Variants in GCNT2 observed in about 807,000 individuals in gnomAD.
The protein encoded by GCNT2 is glucosaminyl (N-acetyl) transferase 2 (I blood group), also known as N-acetyllactosaminide beta-1,6-N-acetylglucosaminyl-transferase.
In GCNT2, 34 loss-of-function variants were observed where a neutral mutation model predicts 34.2. The ratio of observed to expected loss-of-function variants is 1.00; its 90% CI spans 0.76 to 1.32. The LOEUF (loss-of-function observed/expected upper bound fraction) is 1.32. GCNT2 is among the 40% of genes most tolerant of loss of function. The pLI, the probability that GCNT2 is intolerant of heterozygous loss-of-function variation, is 0.00. For missense variants in GCNT2, 584 were observed against 489.4 expected (o/e 1.19, Z -1.82); for synonymous variants, 212 against 188.0 (o/e 1.13, Z -1.04).
intron 3 of GCNT2, among the ~76,000 whole-genome samples, chr6:10,531,782 A>G (rs1308120426): frequency 6.7e-6 from 1 of 150,318 alleles, no homozygotes; most frequent in African/African-American, 2.5e-5. Context: ...TAGGATGTAG[A>G]CTCTTCAGGT....
chr6:10,551,688 C>T (rs1762487973), intron 3 of GCNT2, among the ~76,000 whole-genome samples: 1 of 151,880 alleles, frequency 6.6e-6, no homozygotes, highest in Admixed American at 6.6e-5. Context: ...CGTGATCCAC[C>T]TGCCTTGGCC....
intron 3 of GCNT2, among the ~76,000 whole-genome samples, chr6:10,566,597 T>C (rs1763293413): frequency 6.6e-6 from 1 of 152,188 alleles, no homozygotes; most frequent in Admixed American, 6.5e-5. Flanking sequence ...CCCAACCATA[T>C]CAGTTTTGCA....
intron 3 of GCNT2, 189 bp downstream of exon 3, chr6:10,530,025 G>A (rs1348060399): frequency 6.9e-6 from 4 of 582,858 alleles, no homozygotes; most frequent in Non-Finnish European, 1.2e-5. Flanking sequence ...CTTGTGAACC[G>A]CTCTGTTCAC....
chr6:10,552,704 C>T (rs1183710257), intron 3 of GCNT2, among the ~76,000 whole-genome samples: 1 of 152,164 alleles, frequency 6.6e-6, no homozygotes, highest in Non-Finnish European at 1.5e-5. Context: ...GAACTCATCC[C>T]TGGAACAGGG....
chr6:10,591,037 G>A (rs1764618335), intron 3 of GCNT2, among the ~76,000 whole-genome samples: 1 of 152,220 alleles, frequency 6.6e-6, no homozygotes, highest in African/African-American at 2.4e-5. Flanking sequence ...CTTCCTCCCA[G>A]ATCGTGTTTC....
chr6:10,531,673 AG>A (rs2113525471), intron 3 of GCNT2, among the ~76,000 whole-genome samples: 2 of 152,326 alleles, frequency 1.3e-5, no homozygotes, highest in Non-Finnish European at 2.9e-5. Context: ...ATTAGGGCTC[AG>A]GAAAGTCTGG....
At chr6:10,552,650 C>G (rs1328624887) in intron 3 of GCNT2, among the ~76,000 whole-genome samples, 1 of 152,168 alleles carries the variant, frequency 6.6e-6, no homozygotes, top group Non-Finnish European at 1.5e-5. Flanking sequence ...CATGTTATAT[C>G]AGGGACTTAT....
intron 3 of GCNT2, among the ~76,000 whole-genome samples, chr6:10,568,170 A>T (rs1430676136): frequency 1.3e-5 from 2 of 151,954 alleles, no homozygotes; most frequent in Non-Finnish European, 2.9e-5. Flanking sequence ...AGTACTGACC[A>T]TTCACTTCCC....
At chr6:10,533,780 G>A (rs1761615534) in intron 3 of GCNT2, among the ~76,000 whole-genome samples, 1 of 121,958 alleles carries the variant, frequency 8.2e-6, no homozygotes, top group Non-Finnish European at 1.6e-5. Flanking sequence ...CAGCCTGGGT[G>A]ACAGAGCAAG....
chr6:10,607,949 T>C (rs1765394908), intron 3 of GCNT2, among the ~76,000 whole-genome samples: 1 of 152,178 alleles, frequency 6.6e-6, no homozygotes, highest in South Asian at 2.1e-4. Flanking sequence ...GGCACTTGAA[T>C]CCTGCTTAGG....
At chr6:10,556,313 G>A in intron 3 of GCNT2, 3 of 1,571,094 alleles carry the variant, frequency 1.9e-6, no homozygotes, top group East Asian at 2.3e-5. Flanking sequence ...CTCCAACAGG[G>A]CAGGAGTGAG....
intron 3 of GCNT2, chr6:10,530,401 C>G (rs1016505884): frequency 6.6e-6 from 1 of 152,556 alleles, no homozygotes; most frequent in Non-Finnish European, 1.5e-5. Flanking sequence ...ACCTTATTCT[C>G]CTTTAAGCGC....
intron 3 of GCNT2, among the ~76,000 whole-genome samples, chr6:10,531,511 A>G (rs1187720844): frequency 6.6e-6 from 1 of 152,220 alleles, no homozygotes; most frequent in Non-Finnish European, 1.5e-5. Flanking sequence ...ATATTTGTAC[A>G]GCTTCCAAGT....
intron 3 of GCNT2, among the ~76,000 whole-genome samples, chr6:10,547,997 A>G (rs768199854): frequency 1.3e-5 from 2 of 152,200 alleles, no homozygotes; most frequent in Non-Finnish European, 2.9e-5. Flanking sequence ...TCTTTTTGGC[A>G]CAGGAGATGT....
chr6:10,592,278 C>G (rs993101213), intron 3 of GCNT2, among the ~76,000 whole-genome samples: 1 of 152,094 alleles, frequency 6.6e-6, no homozygotes, highest in Non-Finnish European at 1.5e-5. Flanking sequence ...TTTTGGATAG[C>G]CAGATGATAT....
At chr6:10,586,200 A>T in intron 3 of GCNT2, 1 of 1,614,146 alleles carries the variant, frequency 6.2e-7, no homozygotes. Flanking sequence ...ACCTTTGCGA[A>T]GTGTCCCTTG....
chr6:10,526,986 A>C (rs1047097787), intron 1 of GCNT2, among the ~76,000 whole-genome samples: 1 of 152,124 alleles, frequency 6.6e-6, no homozygotes, highest in African/African-American at 2.4e-5. Flanking sequence ...ATTTAATAAA[A>C]GTTAGAAGAT....
At chr6:10,560,102 T>A (rs1479770081) in intron 3 of GCNT2, among the ~76,000 whole-genome samples, 2 of 152,182 alleles carry the variant, frequency 1.3e-5, no homozygotes, top group Non-Finnish European at 2.9e-5. Context: ...TCTTCTATTT[T>A]TTTTGAGACA....
At chr6:10,539,667 T>A (rs1381013942) in intron 3 of GCNT2, among the ~76,000 whole-genome samples, 1 of 152,176 alleles carries the variant, frequency 6.6e-6, no homozygotes. Context: ...CAGATGAACT[T>A]CTCAGGTGTT....
Sources: gnomAD v4.1 joint callset for allele counts (sites outside exome capture counted in the v4.1 genomes callset) on GRCh38, gnomAD v4.1.1 for gene constraint, MANE v1.5 for transcripts, NCBI Gene and HGNC (gene_info 2026-07-23, HGNC 2026-07-21) for gene names.